The following ROS1 variants were observed in gnomAD, a reference collection of about 807,000 sequenced individuals.
The protein encoded by ROS1 is ROS proto-oncogene 1, receptor tyrosine kinase.
Under a neutral mutation model 273.5 loss-of-function variants are expected in ROS1, and 263 were observed. The ratio of observed to expected loss-of-function variants is 0.96; its 90% CI spans 0.87 to 1.06. ROS1 has a LOEUF of 1.06. Ranked by LOEUF, ROS1 falls within the 50% of genes least tolerant of loss-of-function variation. The pLI is 0.00. For synonymous variants in ROS1, 1,008 were observed against 954.1 expected (o/e 1.06, Z -1.04); for missense variants, 2,833 against 2,751.1 (o/e 1.03, Z -0.67).
chr6:117,369,267 T>C (rs1047935162), intron 18 of ROS1, among the ~76,000 whole-genome samples: 1 of 152,172 alleles, frequency 6.6e-6, no homozygotes, highest in Non-Finnish European at 1.5e-5. Flanking sequence ...AAGAAAACAT[T>C]ACTAAACTTG....
chr6:117,326,182 T>C (rs1776633258), intron 34 of ROS1, 42 bp downstream of exon 34: 1 of 1,251,598 alleles, frequency 8.0e-7, no homozygotes, highest in Non-Finnish European at 1.1e-6. Flanking sequence ...TTACTGAACC[T>C]TTAGGTAATA....
Position 117,389,752 on chromosome 6 carries a change from A to T in ROS1, c.1384T>A (p.Cys462Ser). 2 of 1,614,184 alleles carry T rather than the reference A, an allele frequency of 1.2e-6. No individual in the cohort carries two copies. The highest frequency in any genetic ancestry group is 1.7e-6 in the Non-Finnish European group (2 of 1,180,036). The change falls in exon 13 of 44, where the codon TGC becomes AGC. Residue 462 changes from cysteine (C) to serine (S), a missense_variant. By Grantham distance (112) the Cys-to-Ser change is moderately radical. Transcript: ENST00000368507. ...TTGATTGCAAAGTCCTTTAACGTGC[A>T]ACTCTCCACAATACGCACAGCTTCT... Reference protein sequence around the residue: ...CAEAVRIVESCTLKDFAIKPQ... With the variant: ...CAEAVRIVESSTLKDFAIKPQ...
intron 28 of ROS1, among the ~76,000 whole-genome samples, chr6:117,342,754 C>T (rs1389372775): frequency 6.6e-6 from 1 of 152,046 alleles, no homozygotes; most frequent in East Asian, 1.9e-4. Flanking sequence ...TGATTGGTAG[C>T]CTTCAGTTGG....
intron 25 of ROS1, 152 bp from the exon 26 acceptor site, chr6:117,357,067 T>C: frequency 1.6e-6 from 1 of 643,010 alleles, no homozygotes; most frequent in Admixed American, 3.0e-5. Context: ...AACCTTTTTC[T>C]GAGATGGAAG....
intron 18 of ROS1, among the ~76,000 whole-genome samples, chr6:117,367,189 GA>G (rs1780332253): frequency 6.6e-6 from 1 of 152,200 alleles, no homozygotes; most frequent in African/African-American, 2.4e-5. Flanking sequence ...ATGTGAAGCA[GA>G]AGGGCTTTGG....
In ROS1 at chr6:117,326,418, C is replaced by CA. The variant is rs201712270; in HGVS notation, c.5349-5dup. 30,785 of 1,492,466 alleles carry CA rather than the reference C, an allele frequency of 0.021. 433 individuals are homozygous for CA. The highest frequency in any genetic ancestry group is 0.043 in the South Asian group (3,302 of 76,984). 92.5% of individuals were successfully genotyped at this position (1,492,466 alleles called of 1,614,324 possible). On this transcript the variant is annotated splice_region_variant and splice_polypyrimidine_tract_variant and intron_variant, in intron 33 of 43. Coordinates refer to ENST00000368507, the MANE Select transcript of ROS1 (RefSeq NM_001378902.1). The stretch of plus-strand genomic sequence containing the variant: ...TAAATTATTTGAAGTGCTCTTTCTG[C>CA]AAAAAATAATAAATACAGAAAATAT...
Position 117,364,975 on chromosome 6 carries a change from T to C in ROS1, c.3103+85A>G, listed in dbSNP as rs1780088343. On this transcript the variant is annotated intron_variant, in intron 21 of 43. Transcript: ENST00000368507. ...AACACATCTATAAAACTGAAAGTTA[T>C]TTTTAAATATCAACTATCCATTCCA... 7 of 1,351,558 alleles carry C rather than the reference T, an allele frequency of 5.2e-6. No individual in the cohort carries two copies. In the South Asian group the frequency reaches 9.0e-5, roughly 17 times the overall value. The allele number at this position is 1,351,558 out of a possible 1,614,324, so 83.7% of individuals were successfully genotyped here.
At chr6:117,393,587 T>A (rs1188165226) in intron 11 of ROS1, among the ~76,000 whole-genome samples, 1 of 152,246 alleles carries the variant, frequency 6.6e-6, no homozygotes, top group Non-Finnish European at 1.5e-5. Context: ...ATTTAAGCGA[T>A]ATCTAGGTTT....
chr6:117,416,607 G>A (rs1467674377), intron 2 of ROS1, among the ~76,000 whole-genome samples: 1 of 152,106 alleles, frequency 6.6e-6, no homozygotes, highest in Non-Finnish European at 1.5e-5. Flanking sequence ...AACCTTCAGC[G>A]AAGACACCGT....
In ROS1 at chr6:117,350,274, GT is replaced by G. The variant is rs1778720707; in HGVS notation, c.4303+2715del. 2.0e-5 allele frequency among the ~76,000 whole-genome samples: 3 copies of G among 151,814 alleles called. No homozygotes were observed. The East Asian group carries it at 5.8e-4, about 29-fold the overall frequency. On this transcript the variant is annotated intron_variant, in intron 27 of 43. Transcript: ENST00000368507. ...ACAGGGTATGGAATTCTAGGTTAGT[GT>G]TTTTTTCTCTCAACATTTTAAATAT...
At chr6:117,408,646 G>T (rs1337683504) in intron 5 of ROS1, among the ~76,000 whole-genome samples, 3 of 152,214 alleles carry the variant, frequency 2.0e-5, no homozygotes, top group Admixed American at 6.5e-5. Context: ...CATTGTGGAA[G>T]TCAGTGTGGC....
In ROS1 at chr6:117,387,505, G is replaced by A. The variant is rs529406978; in HGVS notation, c.1999+275C>T. On this transcript the variant is annotated intron_variant, in intron 14 of 43. Coordinates refer to ENST00000368507, the MANE Select transcript of ROS1 (RefSeq NM_001378902.1). The stretch of plus-strand genomic sequence containing the variant: ...ATATACCATAAGAAAGAAGAAACCC[G>A]TAAAGAATCAATTATAGTGTTTCCT... Among the ~76,000 whole-genome samples the A allele has an allele frequency of 1.2e-4, 19 of 152,202 alleles. No individual in the cohort carries two copies. In the South Asian group the frequency reaches 1.5e-3, roughly 12 times the overall value.
chr6:117,327,948 A>C (rs1409675985), intron 33 of ROS1, among the ~76,000 whole-genome samples: 3 of 152,186 alleles, frequency 2.0e-5, no homozygotes, highest in Non-Finnish European at 4.4e-5. Flanking sequence ...AGAAGCTAAG[A>C]GGCAAAGATG....
intron 7 of ROS1, among the ~76,000 whole-genome samples, chr6:117,402,637 C>A (rs1774036550): frequency 6.6e-6 from 1 of 152,136 alleles, no homozygotes; most frequent in Non-Finnish European, 1.5e-5. Flanking sequence ...CCTATAATCC[C>A]AGCACTTTGG....
In ROS1 at chr6:117,311,039, G is replaced by A. The variant is rs139881304; in HGVS notation, c.6196C>T (p.Arg2066Trp). The change falls in exon 40 of 44, where the codon CGG becomes TGG. Residue 2066 changes from arginine to tryptophan, a missense_variant. Arg to Trp is a moderately radical substitution (Grantham distance 101, BLOSUM62 -3). Transcript: ENST00000368507. ...TTGTACCTGTGAATGAAATGCATCCGTTCCAAGTAGACACAGCCTTTTGAA... is the reference window on the plus strand; with the variant it reads ...TTGTACCTGTGAATGAAATGCATCCATTCCAAGTAGACACAGCCTTTTGAA... ...DISKGCVYLE[R>W]MHFIHRDLAA... The A allele has an allele frequency of 3.4e-5, 55 of 1,608,544 alleles. No individual in the cohort carries two copies. The highest frequency in any genetic ancestry group is 2.0e-4 in the Admixed American group (12 of 59,494).
At chr6:117,301,254 A>G in intron 42 of ROS1, 117 bp from the exon 43 acceptor site, 1 of 804,006 alleles carries the variant, frequency 1.2e-6, no homozygotes, top group African/African-American at 1.8e-5. Flanking sequence ...TTCCTTAATT[A>G]ATATAAGTGA....
chr6:117,388,092 G>A (rs1772744621), intron 13 of ROS1, 100 bp from the exon 14 acceptor site: 1 of 1,560,000 alleles, frequency 6.4e-7, no homozygotes, highest in Non-Finnish European at 8.7e-7. Context: ...TCTCAAATGG[G>A]AGAGCAATTG....
chr6:117,406,671 T>C (rs1774430040), intron 5 of ROS1, among the ~76,000 whole-genome samples: 3 of 152,204 alleles, frequency 2.0e-5, no homozygotes, highest in Non-Finnish European at 1.5e-5. Context: ...TTTTTATGGT[T>C]CCCTGAACCA....
At chr6:117,338,074 GTA>G in intron 31 of ROS1, among the ~76,000 whole-genome samples, 1 of 152,014 alleles carries the variant, frequency 6.6e-6, no homozygotes, top group South Asian at 2.1e-4. Context: ...TGGATCCTTA[GTA>G]TCATTATTTG....
Sources: gnomAD v4.1 joint callset for allele counts (sites outside exome capture counted in the v4.1 genomes callset) on GRCh38, gnomAD v4.1.1 for gene constraint, MANE v1.5 for transcripts, NCBI Gene and HGNC (gene_info 2026-07-23, HGNC 2026-07-21) for gene names.